Variants in OR9Q1 observed in about 807,000 individuals in gnomAD.
OR9Q1 encodes olfactory receptor family 9 subfamily Q member 1, also known as olfactory receptor 9Q1.
For synonymous variants in OR9Q1, 153 were observed against 148.6 expected (o/e 1.03, Z -0.22); for missense variants, 374 against 378.8 (o/e 0.99, Z 0.11).
chr11:58,178,030 G>A (rs1224405204), intron 2 of OR9Q1, among the ~76,000 whole-genome samples: 1 of 152,142 alleles, frequency 6.6e-6, no homozygotes, highest in Non-Finnish European at 1.5e-5. Flanking sequence ...GAACCTGGGG[G>A]AGATTAGAGA....
chr11:58,132,880 C>T (rs950796313), intron 2 of OR9Q1, among the ~76,000 whole-genome samples: 2 of 152,096 alleles, frequency 1.3e-5, no homozygotes, highest in Non-Finnish European at 2.9e-5. Context: ...GTGGCAAATC[C>T]CTTTGCTCCA....
chr11:58,165,445 A>G (rs2119934984), intron 2 of OR9Q1, among the ~76,000 whole-genome samples: 1 of 152,272 alleles, frequency 6.6e-6, no homozygotes, highest in South Asian at 2.1e-4. Flanking sequence ...CCCTCTAATA[A>G]ATTCTGTAGA....
chr11:58,086,807 A>G (rs1853638332), intron 2 of OR9Q1, among the ~76,000 whole-genome samples: 1 of 151,934 alleles, frequency 6.6e-6, no homozygotes, highest in Non-Finnish European at 1.5e-5. Flanking sequence ...GGTAAAATTC[A>G]TAGAAATAGA....
chr11:58,116,051 T>A (rs1853951144), intron 2 of OR9Q1, among the ~76,000 whole-genome samples: 1 of 152,208 alleles, frequency 6.6e-6, no homozygotes, highest in African/African-American at 2.4e-5. Flanking sequence ...TTTAATAAGA[T>A]GAATGTTTCC....
intron 2 of OR9Q1, chr11:58,077,426 CA>C (rs1853548020): frequency 6.6e-6 from 1 of 152,166 alleles, no homozygotes; most frequent in South Asian, 2.1e-4. Flanking sequence ...GACTTTGGAT[CA>C]AAAGTTCTAG....
chr11:58,069,879 A>AAAATC (rs1853469663), intron 2 of OR9Q1, among the ~76,000 whole-genome samples: 1 of 151,368 alleles, frequency 6.6e-6, no homozygotes, highest in Admixed American at 6.6e-5. Context: ...CAAACAACAA[A>AAAATC]AAACCAAACC....
intron 2 of OR9Q1, among the ~76,000 whole-genome samples, chr11:58,098,875 C>A (rs558640355): frequency 5.3e-5 from 8 of 152,206 alleles, no homozygotes; most frequent in African/African-American, 1.4e-4. Flanking sequence ...TTAGAATCAT[C>A]CCATTAAGTT....
intron 2 of OR9Q1, among the ~76,000 whole-genome samples, chr11:58,092,628 A>T (rs1429688948): frequency 6.6e-6 from 1 of 152,180 alleles, no homozygotes; most frequent in East Asian, 1.9e-4. Context: ...ATTACATGTC[A>T]TGCACTGCTT....
chr11:58,116,061 C>T (rs1853951212), intron 2 of OR9Q1, among the ~76,000 whole-genome samples: 1 of 152,034 alleles, frequency 6.6e-6, no homozygotes, highest in Non-Finnish European at 1.5e-5. Context: ...TGAATGTTTC[C>T]TTCTCACATA....
chr11:58,090,299 T>C (rs571651952), intron 2 of OR9Q1, among the ~76,000 whole-genome samples: 39 of 152,316 alleles, frequency 2.6e-4, no homozygotes, highest in Non-Finnish European at 1.9e-4. Flanking sequence ...TAAATAGCTC[T>C]TATTATTTTG....
intron 1 of OR9Q1, among the ~76,000 whole-genome samples, chr11:58,042,329 G>A (rs1184826491): frequency 6.6e-6 from 1 of 152,018 alleles, no homozygotes; most frequent in African/African-American, 2.4e-5. Context: ...TGTATAAGGT[G>A]TAAGGAAGGG....
intron 2 of OR9Q1, among the ~76,000 whole-genome samples, chr11:58,060,870 G>A (rs1441222471): frequency 1.3e-5 from 2 of 151,868 alleles, no homozygotes; most frequent in African/African-American, 2.4e-5. Flanking sequence ...CAAACCTGCC[G>A]TACAGCCTTC....
chr11:58,099,559 A>G (rs1263000530), intron 2 of OR9Q1, among the ~76,000 whole-genome samples: 1 of 151,998 alleles, frequency 6.6e-6, no homozygotes, highest in African/African-American at 2.4e-5. Flanking sequence ...TTTGTGTGGC[A>G]TATAATTTTC....
At chr11:58,031,800 C>G (rs1853043515) in intron 1 of OR9Q1, 1 of 1,614,054 alleles carries the variant, frequency 6.2e-7, no homozygotes, top group Non-Finnish European at 8.5e-7. Context: ...GTCTTCTACT[C>G]TGTTGTCACG....
intron 2 of OR9Q1, among the ~76,000 whole-genome samples, chr11:58,147,711 C>T (rs189365100): frequency 1.8e-3 from 270 of 152,154 alleles, no homozygotes; most frequent in African/African-American, 5.8e-3. Flanking sequence ...TTCTGATTAA[C>T]GTAAAAAAAC....
chr11:58,133,075 A>G (rs1854158144), intron 2 of OR9Q1, among the ~76,000 whole-genome samples: 1 of 152,148 alleles, frequency 6.6e-6, no homozygotes, highest in African/African-American at 2.4e-5. Context: ...CCAGCCTTCC[A>G]GACTGGGGAA....
At chr11:58,148,382 A>T (rs1323249493) in intron 2 of OR9Q1, among the ~76,000 whole-genome samples, 1 of 152,158 alleles carries the variant, frequency 6.6e-6, no homozygotes, top group Non-Finnish European at 1.5e-5. Context: ...TTCAGATAAG[A>T]GCAAAAACAA....
intron 2 of OR9Q1, among the ~76,000 whole-genome samples, chr11:58,115,644 G>A (rs1355798186): frequency 6.6e-6 from 1 of 152,162 alleles, no homozygotes; most frequent in Non-Finnish European, 1.5e-5. Flanking sequence ...GCCAAGGAAA[G>A]AGAGGTGTGT....
intron 2 of OR9Q1, among the ~76,000 whole-genome samples, chr11:58,065,031 C>T (rs1183439988): frequency 6.6e-6 from 1 of 152,046 alleles, no homozygotes; most frequent in East Asian, 1.9e-4. Context: ...CACACACAGA[C>T]TCATTGTAGT....
Sources: allele counts gnomAD v4.1 joint callset (sites outside exome capture counted in the v4.1 genomes callset), GRCh38; gene constraint gnomAD v4.1.1; transcripts MANE v1.5; gene names NCBI Gene and HGNC (gene_info 2026-07-23, HGNC 2026-07-21).